The following GPHN variants were observed in gnomAD, a reference collection of about 807,000 sequenced individuals.
GPHN encodes the protein gephyrin.
In GPHN, 17 loss-of-function variants were observed where a neutral mutation model predicts 95.5. That is an observed-to-expected ratio of 0.18 (90% CI 0.12 to 0.27). GPHN has a LOEUF of 0.27. Ranked by LOEUF, GPHN falls within the 10% of genes least tolerant of loss-of-function variation. The probability of loss-of-function intolerance (pLI) is 1.00; values close to 1 mark genes in which losing one functional copy is unlikely to be tolerated. For synonymous variants in GPHN, 320 were observed against 322.5 expected (o/e 0.99, Z 0.08); for missense variants, 660 against 978.1 (o/e 0.67, Z 4.34).
At chr14:67,019,339 AAAGTC>A (rs1401081288) in intron 9 of GPHN, among the ~76,000 whole-genome samples, 1 of 152,194 alleles carries the variant, frequency 6.6e-6, no homozygotes, top group African/African-American at 2.4e-5. Flanking sequence ...AGTGGCCAGT[AAAGTC>A]ATGTTTAAAA....
chr14:67,646,563 C>T, the GPHN span: 1 of 1,124,796 alleles, frequency 8.9e-7, no homozygotes, highest in Non-Finnish European at 1.3e-6. Flanking sequence ...AAGCAGATTG[C>T]ATACCCACGG....
At chr14:67,624,962 G>C in the GPHN span, among the ~76,000 whole-genome samples, 2 of 152,158 alleles carry the variant, frequency 1.3e-5, no homozygotes, top group Non-Finnish European at 2.9e-5. Flanking sequence ...GTGAAACCAG[G>C]AGGCTGGCAG....
At chr14:67,678,474 C>T in the GPHN span, 3 of 1,247,150 alleles carry the variant, frequency 2.4e-6, no homozygotes, top group Non-Finnish European at 3.5e-6. Context: ...ATGAAGTCTG[C>T]CATCTGCCAG....
At chr14:67,729,428 G>C in the GPHN span, 1 of 1,560,402 alleles carries the variant, frequency 6.4e-7, no homozygotes, top group African/African-American at 1.3e-5. Flanking sequence ...TGCATGGGAG[G>C]TGCCGGACTC....
At chr14:66,822,478 C>G (rs2061236714) in intron 3 of GPHN, among the ~76,000 whole-genome samples, 1 of 152,156 alleles carries the variant, frequency 6.6e-6, no homozygotes, top group Admixed American at 6.5e-5. Context: ...ATTGTGCACC[C>G]AAGGATGAGA....
At chr14:66,800,945 T>C (rs564364361) in intron 3 of GPHN, among the ~76,000 whole-genome samples, 1 of 152,328 alleles carries the variant, frequency 6.6e-6, no homozygotes, top group South Asian at 2.1e-4. Context: ...ACTAATTCTT[T>C]CTTCTGCTTA....
chr14:67,225,926 A>AGTGTGTGT, the GPHN span, among the ~76,000 whole-genome samples: 6,959 of 136,546 alleles, frequency 0.051, 233 homozygotes, highest in Non-Finnish European at 0.067. Context: ...TAATGCTGTG[A>AGTGTGTGT]GTGTGTGTGT....
chr14:66,531,916 T>G (rs1348601175), intron 1 of GPHN, among the ~76,000 whole-genome samples: 1 of 152,200 alleles, frequency 6.6e-6, no homozygotes, highest in African/African-American at 2.4e-5. Context: ...ATATGATTTC[T>G]CTCACAACTA....
In GPHN at chr14:66,764,629, C is replaced by T. The variant is rs570999360; in HGVS notation, c.144-11835C>T. ...GATAAATCCAGAGAAGTGGTACAAA[C>T]TTGAAACAGGTCTAAAAAGTTAAGC... On this transcript the variant is annotated intron_variant, in intron 2 of 22. Transcript: ENST00000478722. Among the ~76,000 whole-genome samples the T allele has an allele frequency of 2.6e-5, 4 of 152,144 alleles. No individual in the cohort carries two copies. In the South Asian group the frequency reaches 6.2e-4, roughly 24 times the overall value.
At chr14:67,681,154 A>AG in the GPHN span, among the ~76,000 whole-genome samples, 1 of 152,208 alleles carries the variant, frequency 6.6e-6, no homozygotes, top group African/African-American at 2.4e-5. Context: ...AAAAAGAGGA[A>AG]GAGACACCAG....
the GPHN span, chr14:67,332,697 T>C: frequency 1.4e-6 from 2 of 1,403,760 alleles, no homozygotes; most frequent in Non-Finnish European, 1.9e-6. Context: ...AGGTCGCTCC[T>C]TGTTCTTTGG....
At chr14:66,797,258 G>A (rs1358890261) in intron 3 of GPHN, among the ~76,000 whole-genome samples, 3 of 151,646 alleles carry the variant, frequency 2.0e-5, no homozygotes, top group African/African-American at 7.3e-5. Context: ...TTGGAGTCAG[G>A]TAATATGATT....
At chr14:66,679,504 G>A (rs1465094072) in intron 1 of GPHN, among the ~76,000 whole-genome samples, 1 of 152,032 alleles carries the variant, frequency 6.6e-6, no homozygotes, top group Non-Finnish European at 1.5e-5. Flanking sequence ...GCTAGTCTCA[G>A]CAATTTTTAA....
chr14:67,403,135 C>T, the GPHN span, among the ~76,000 whole-genome samples: 1 of 152,142 alleles, frequency 6.6e-6, no homozygotes, highest in Non-Finnish European at 1.5e-5. Context: ...GAGATGATAT[C>T]CCATTGTAGT....
chr14:66,909,057 T>C (rs1008768858), intron 5 of GPHN, among the ~76,000 whole-genome samples: 3 of 152,112 alleles, frequency 2.0e-5, no homozygotes, highest in Non-Finnish European at 4.4e-5. Context: ...TTAATAATAA[T>C]GTGTCAATAT....
At chr14:66,884,070 G>A (rs1297561191) in intron 5 of GPHN, among the ~76,000 whole-genome samples, 1 of 151,972 alleles carries the variant, frequency 6.6e-6, no homozygotes, top group Non-Finnish European at 1.5e-5. Context: ...ACTGACCTTT[G>A]GGACAAAGAG....
chr14:66,774,086 T>C (rs1417526537), intron 2 of GPHN, among the ~76,000 whole-genome samples: 1 of 130,200 alleles, frequency 7.7e-6, no homozygotes, highest in African/African-American at 3.0e-5. Flanking sequence ...TCACTGCAAC[T>C]CCGCCTCCCG....
chr14:66,810,490 A>G (rs909813607), intron 3 of GPHN, among the ~76,000 whole-genome samples: 15 of 151,992 alleles, frequency 9.9e-5, no homozygotes, highest in African/African-American at 3.6e-4. Flanking sequence ...AATTGACATT[A>G]TGTGTGAAAC....
chr14:67,617,717 G>GTTGT, the GPHN span, among the ~76,000 whole-genome samples: 745 of 152,154 alleles, frequency 4.9e-3, 35 homozygotes, highest in East Asian at 0.082. Context: ...GAGGTTTTTT[G>GTTGT]TTGTTTGTTT....
Sources: allele counts gnomAD v4.1 joint callset (sites outside exome capture counted in the v4.1 genomes callset), GRCh38; gene constraint gnomAD v4.1.1; transcripts MANE v1.5; gene names NCBI Gene and HGNC (gene_info 2026-07-23, HGNC 2026-07-21).